The following TMIGD1 variants were observed in gnomAD, a reference collection of about 807,000 sequenced individuals.
TMIGD1 encodes the protein transmembrane and immunoglobulin domain-containing protein 1.
In TMIGD1, 29 loss-of-function variants were observed where a neutral mutation model predicts 27.5. The observed-to-expected ratio is 1.05, with a 90% confidence interval of 0.78 to 1.44. TMIGD1 has a LOEUF of 1.44. Among genes scored for constraint, TMIGD1 ranks in the 40% most tolerant of loss-of-function variants. The pLI, the probability that TMIGD1 is intolerant of heterozygous loss-of-function variation, is 0.00. For synonymous variants in TMIGD1, 109 were observed against 110.3 expected, an observed-to-expected ratio of 0.99 and a Z score of 0.07; for missense variants, 334 against 310.6, an observed-to-expected ratio of 1.08 and a Z score of -0.57.
intron 3 of TMIGD1, among the ~76,000 whole-genome samples, chr17:30,326,729 C>T (rs1297499999): frequency 6.6e-6 from 1 of 152,070 alleles, no homozygotes; most frequent in African/African-American, 2.4e-5. Flanking sequence ...TGTATTTCTC[C>T]AACGTTAACA....
intron 3 of TMIGD1, among the ~76,000 whole-genome samples, chr17:30,328,968 C>CA (rs34701131): frequency 0.52 from 45,295 of 86,412 alleles, 9,060 homozygotes; most frequent in Middle Eastern, 0.55. Context: ...GACTCTGTCT[C>CA]AAAAAAAAAA....
intron 2 of TMIGD1, 129 bp from the exon 3 acceptor site, chr17:30,329,658 T>G: frequency 1.5e-6 from 1 of 653,794 alleles, no homozygotes; most frequent in Non-Finnish European, 2.5e-6. Context: ...TTAAAAATAG[T>G]CATATTGATC....
At chr17:30,318,738 C>T (rs913113380) in intron 5 of TMIGD1, 72 bp downstream of exon 5, 2 of 1,180,982 alleles carry the variant, frequency 1.7e-6, no homozygotes, top group East Asian at 2.4e-5. Flanking sequence ...ACTGAAGTCA[C>T]TTATATTTCT....
intron 4 of TMIGD1, among the ~76,000 whole-genome samples, chr17:30,320,632 T>C (rs530193257): frequency 1.1e-4 from 16 of 152,214 alleles, no homozygotes; most frequent in Non-Finnish European, 2.1e-4. Context: ...AAAAATTTTA[T>C]AGCAGAAAGC....
chr17:30,325,052 T>G lies in TMIGD1; in HGVS notation c.404A>C (p.Glu135Ala). The change falls in exon 4 of 7, where the codon GAA becomes GCA. Residue 135 changes from glutamate (E) to alanine (A), a missense_variant. Transcript: ENST00000328886. ...LSGNDFQTVE[E>A]GSNVKLVCNV... ...GCAAACCAACTTCACATTACTGCCT[T>G]CCTCAACTGTTTGGAAGTCGTTTCC... 2 of 1,614,006 alleles carry G rather than the reference T, an allele frequency of 1.2e-6. No homozygotes were observed. Among genetic ancestry groups the G allele is most frequent in the Non-Finnish European group, 1.7e-6 (2 of 1,179,918 alleles).
intron 5 of TMIGD1, among the ~76,000 whole-genome samples, 161 bp from the exon 6 acceptor site, chr17:30,317,394 T>G (rs984188741): frequency 7.9e-5 from 12 of 152,116 alleles, no homozygotes; most frequent in African/African-American, 2.9e-4. Context: ...TTTATTAAAC[T>G]CAAAGAAGAT....
At chr17:30,328,130 G>C (rs1413346442) in intron 3 of TMIGD1, among the ~76,000 whole-genome samples, 2 of 151,434 alleles carry the variant, frequency 1.3e-5, no homozygotes, top group Non-Finnish European at 2.9e-5. Context: ...TGCTTCTTGA[G>C]TTCAAGCAAT....
Position 30,324,802 on chromosome 17 carries a change from A to T in TMIGD1, c.640+14T>A, listed in dbSNP as rs777938715. ...TTTTGCACTGTGCTGGGTATTACTT[A>T]AAAAGAGCATTACCTTTAACAATCA... On this transcript the variant is annotated intron_variant, in intron 4 of 6. Transcript: ENST00000328886. 11 of 1,612,328 alleles carry T rather than the reference A, an allele frequency of 6.8e-6. No homozygotes were observed. Among genetic ancestry groups the T allele is most frequent in the Middle Eastern group, 1.7e-4 (1 of 6,058 alleles).
intron 4 of TMIGD1, among the ~76,000 whole-genome samples, chr17:30,323,047 C>T (rs1909669595): frequency 6.6e-6 from 1 of 152,032 alleles, no homozygotes. Context: ...ATGGCACGCA[C>T]CTGTCCCAGC....
chr17:30,316,574 AACAGGAGTG>A lies in TMIGD1; in HGVS notation c.*104_*112del. On this transcript the variant is annotated 3_prime_UTR_variant, in exon 7 of 7. Transcript: ENST00000328886. ...ACAACTACTGTTAAGTGATTAATGA[AACAGGAGTG>A]ACAGGAGTGAATTTAATAATAGCAA... The A allele has an allele frequency of 9.3e-7, 1 of 1,075,190 alleles. No homozygotes were observed. Among genetic ancestry groups the A allele is most frequent in the Non-Finnish European group, 1.4e-6 (1 of 719,272 alleles). The allele number at this position is 1,075,190 out of a possible 1,614,324, so 66.6% of individuals were successfully genotyped here. A position where few individuals can be genotyped will look rare whatever the true frequency, so the allele number is the denominator to read the frequency against.
intron 4 of TMIGD1, among the ~76,000 whole-genome samples, chr17:30,324,291 G>A (rs1245274022): frequency 6.6e-6 from 1 of 152,186 alleles, no homozygotes; most frequent in African/African-American, 2.4e-5. Context: ...CATTGTAGAG[G>A]TGATAACCCT....
At chr17:30,328,644 C>A (rs988907954) in intron 3 of TMIGD1, among the ~76,000 whole-genome samples, 1 of 151,994 alleles carries the variant, frequency 6.6e-6, no homozygotes, top group Admixed American at 6.6e-5. Context: ...AAGGTGAACA[C>A]CCTCATTCTT....
chr17:30,324,666 G>T, intron 4 of TMIGD1, 150 bp downstream of exon 4: 2 of 928,252 alleles, frequency 2.2e-6, no homozygotes, highest in Non-Finnish European at 1.6e-6. Flanking sequence ...AGGATTCTTA[G>T]TGGAAAAATC....
Position 30,319,249 on chromosome 17 carries a change from G to GAAAA in TMIGD1, c.641-340_641-337dup, listed in dbSNP as rs1201681602. Among the ~76,000 whole-genome samples, 23 of 70,880 alleles carry GAAAA rather than the reference G, an allele frequency of 3.2e-4. 1 individual carries two copies. The highest frequency in any genetic ancestry group is 1.6e-3 in the African/African-American group (19 of 11,918). 46.5% of individuals were successfully genotyped at this position (70,880 alleles called of 152,430 possible). On this transcript the variant is annotated intron_variant, in intron 4 of 6. Transcript: ENST00000328886. ...TGAAACCCCATCTGTAAAAAAAAAA[G>GAAAA]AAAAAAAAAAAAATATATATATATA...
intron 3 of TMIGD1, among the ~76,000 whole-genome samples, chr17:30,327,045 T>TACAC (rs60346282): frequency 0.11 from 16,038 of 146,462 alleles, 905 homozygotes; most frequent in African/African-American, 0.13. Flanking sequence ...CAATTAACTA[T>TACAC]ACACACACAC....
In TMIGD1 at chr17:30,318,732, A is replaced by G; in HGVS notation, c.744+78T>C. 3 of 1,075,914 alleles carry G rather than the reference A, an allele frequency of 2.8e-6. No homozygotes were observed. In the South Asian group the frequency reaches 4.1e-5, roughly 15 times the overall value. 66.6% of individuals were successfully genotyped at this position (1,075,914 alleles called of 1,614,324 possible). A position where few individuals can be genotyped will look rare whatever the true frequency, so the allele number is the denominator to read the frequency against. On this transcript the variant is annotated intron_variant, in intron 5 of 6. Transcript: ENST00000328886. ...CTTTGCCAAGAAGGGTTCCTAACTG[A>G]AGTCACTTATATTTCTAGCTTTCTG...
intron 3 of TMIGD1, 125 bp from the exon 4 acceptor site, chr17:30,325,219 G>C: frequency 9.9e-7 from 1 of 1,007,374 alleles, no homozygotes; most frequent in East Asian, 2.5e-5. Flanking sequence ...TATTAAATAC[G>C]TACGGTGTGA....
chr17:30,331,065 G>A (rs955154218), intron 2 of TMIGD1, among the ~76,000 whole-genome samples: 1 of 151,972 alleles, frequency 6.6e-6, no homozygotes, highest in East Asian at 1.9e-4. Flanking sequence ...CATGGTGGCG[G>A]GCTCCTGTAA....
At chr17:30,327,183 T>G (rs1909810737) in intron 3 of TMIGD1, among the ~76,000 whole-genome samples, 1 of 152,254 alleles carries the variant, frequency 6.6e-6, no homozygotes, top group African/African-American at 2.4e-5. Context: ...ATCACATTGT[T>G]GGCATTTCTG....
Sources: allele counts gnomAD v4.1 joint callset (sites outside exome capture counted in the v4.1 genomes callset), GRCh38; gene constraint gnomAD v4.1.1; transcripts MANE v1.5; gene names NCBI Gene and HGNC (gene_info 2026-07-23, HGNC 2026-07-21).